The following CTNNA2 variants were observed in gnomAD, a reference collection of about 807,000 sequenced individuals.
The protein encoded by CTNNA2 is catenin alpha-2.
Under a neutral mutation model 101.0 loss-of-function variants are expected in CTNNA2, and 42 were observed. That is an observed-to-expected ratio of 0.42 (90% confidence interval 0.32 to 0.54). CTNNA2 has a LOEUF of 0.54. CTNNA2 is among the 20% of genes least tolerant of loss of function. The pLI, the probability that CTNNA2 is intolerant of heterozygous loss-of-function variation, is 0.14. For missense variants in CTNNA2, 871 were observed against 1,223.1 expected (o/e 0.71, Z 4.29); for synonymous variants, 450 against 456.4 (o/e 0.99, Z 0.18).
chr2:80,503,255 G>A (rs983471644), intron 9 of CTNNA2, among the ~76,000 whole-genome samples: 1 of 152,112 alleles, frequency 6.6e-6, no homozygotes, highest in African/African-American at 2.4e-5. Context: ...TCAATCATAG[G>A]ATATTATTGC....
In CTNNA2 at chr2:79,209,021, G is replaced by T. The variant is rs1052048578; in HGVS notation, c.-406+10945G>T. 3.3e-5 allele frequency among the ~76,000 whole-genome samples: 5 copies of T among 152,066 alleles called. No individual in the cohort carries two copies. In the East Asian group the frequency reaches 9.7e-4, roughly 29 times the overall value. On this transcript the variant is annotated intron_variant, in intron 2 of 21. Transcript: ENST00000466387. ...AATGTAGGTAGTGAATAACCTTAAAGGATATTCATGTAGGTTGGGCATGGT... is the reference window on the plus strand; with the variant it reads ...AATGTAGGTAGTGAATAACCTTAAATGATATTCATGTAGGTTGGGCATGGT...
chr2:80,601,448 T>G (rs993614939), intron 15 of CTNNA2, among the ~76,000 whole-genome samples: 1 of 144,660 alleles, frequency 6.9e-6, no homozygotes, highest in African/African-American at 2.5e-5. Context: ...ATGAGTTCTA[T>G]CTGACAACTT....
intron 7 of CTNNA2, among the ~76,000 whole-genome samples, chr2:80,277,460 C>T (rs1223200581): frequency 6.9e-6 from 1 of 145,860 alleles, no homozygotes; most frequent in Non-Finnish European, 1.5e-5. Context: ...TGAATCCCAC[C>T]ATGAATTGAG....
chr2:79,523,179 A>G (rs1192997534), intron 1 of CTNNA2: 1 of 374,040 alleles, frequency 2.7e-6, no homozygotes, highest in African/African-American at 2.1e-5. Context: ...TTTGGAATTT[A>G]AGTATTCAAT....
intron 7 of CTNNA2, among the ~76,000 whole-genome samples, chr2:80,198,932 C>T (rs368169876): frequency 6.6e-6 from 1 of 152,068 alleles, no homozygotes; most frequent in East Asian, 1.9e-4. Context: ...CCTATAATCC[C>T]AGCACATTTG....
intron 1 of CTNNA2, among the ~76,000 whole-genome samples, chr2:79,194,957 G>C (rs1018632650): frequency 8.6e-5 from 13 of 151,950 alleles, no homozygotes; most frequent in African/African-American, 2.9e-4. Flanking sequence ...AGCTCTCTTT[G>C]TTCTTTTGGA....
intron 7 of CTNNA2, among the ~76,000 whole-genome samples, chr2:80,180,446 T>G (rs1219155387): frequency 6.6e-6 from 1 of 152,172 alleles, no homozygotes; most frequent in East Asian, 1.9e-4. Context: ...TCTACATGAG[T>G]CAGACTATTC....
chr2:80,538,177 G>C (rs1691216789), intron 9 of CTNNA2, among the ~76,000 whole-genome samples: 1 of 151,812 alleles, frequency 6.6e-6, no homozygotes, highest in African/African-American at 2.4e-5. Flanking sequence ...TAGGTTGCCT[G>C]TTCACTCTGA....
At chr2:80,297,029 G>A (rs1025037460) in intron 7 of CTNNA2, among the ~76,000 whole-genome samples, 7 of 152,038 alleles carry the variant, frequency 4.6e-5, no homozygotes, top group East Asian at 1.9e-4. Flanking sequence ...TTAAGGGGTC[G>A]GACTGAATGT....
At chr2:80,373,691 T>G (rs1675660230) in intron 7 of CTNNA2, among the ~76,000 whole-genome samples, 1 of 152,214 alleles carries the variant, frequency 6.6e-6, no homozygotes, top group Non-Finnish European at 1.5e-5. Context: ...ATAAGAGATG[T>G]AAGACTCTAG....
chr2:79,389,163 G>T (rs1399229089), intron 4 of CTNNA2, among the ~76,000 whole-genome samples: 1 of 152,118 alleles, frequency 6.6e-6, no homozygotes, highest in East Asian at 1.9e-4. Flanking sequence ...TATGTGCTTT[G>T]TTTTTTAAAA....
chr2:79,826,815 T>C (rs1169419424), intron 3 of CTNNA2, among the ~76,000 whole-genome samples: 1 of 152,112 alleles, frequency 6.6e-6, no homozygotes, highest in Non-Finnish European at 1.5e-5. Context: ...AGTGGCTTAT[T>C]GGGACAACTT....
intron 7 of CTNNA2, among the ~76,000 whole-genome samples, chr2:80,078,074 A>G (rs574099749): frequency 1.3e-5 from 2 of 152,206 alleles, no homozygotes; most frequent in Non-Finnish European, 2.9e-5. Context: ...ATGTGAATCT[A>G]TCCGGTGTTT....
Position 79,689,308 on chromosome 2 carries a change from T to C in CTNNA2, c.102+37650T>C, listed in dbSNP as rs181310941. Among the ~76,000 whole-genome samples, 3 of 151,986 alleles carry C rather than the reference T, an allele frequency of 2.0e-5. No homozygotes were observed. In the East Asian group the frequency reaches 5.8e-4, roughly 30 times the overall value. ...CACTCAGGATCAAGGGAAATAGACA[T>C]GGTTAAAGGCAGATTATCGTTGGAA... is the stretch of plus-strand genomic sequence containing the variant. On this transcript the variant is annotated intron_variant, in intron 2 of 18. Coordinates refer to ENST00000402739, the MANE Select transcript of CTNNA2 (RefSeq NM_001282597.3).
intron 7 of CTNNA2, among the ~76,000 whole-genome samples, chr2:80,179,609 G>A (rs1237308783): frequency 3.9e-5 from 6 of 152,108 alleles, no homozygotes; most frequent in African/African-American, 7.2e-5. Flanking sequence ...TCCTGACCTC[G>A]TGATCCGCCC....
chr2:80,358,947 A>T (rs542312693), intron 7 of CTNNA2, among the ~76,000 whole-genome samples: 40 of 151,812 alleles, frequency 2.6e-4, no homozygotes, highest in Non-Finnish European at 5.4e-4. Flanking sequence ...TCCTTTTTGC[A>T]TTGGGGTTTC....
intron 9 of CTNNA2, among the ~76,000 whole-genome samples, chr2:80,512,408 T>C (rs576816831): frequency 4.6e-5 from 7 of 152,086 alleles, no homozygotes; most frequent in Non-Finnish European, 8.8e-5. Context: ...AATAATTCCA[T>C]GGCTGAGACT....
chr2:79,823,120 C>T (rs1224197361), intron 3 of CTNNA2, among the ~76,000 whole-genome samples: 1 of 152,200 alleles, frequency 6.6e-6, no homozygotes, highest in Non-Finnish European at 1.5e-5. Context: ...AGAGCGACGA[C>T]TTTTGTCTCT....
chr2:80,369,274 T>C (rs1007642073), intron 7 of CTNNA2, among the ~76,000 whole-genome samples: 1 of 152,102 alleles, frequency 6.6e-6, no homozygotes, highest in Non-Finnish European at 1.5e-5. Context: ...CATTTTCATA[T>C]ATCTAAACGT....
Sources: gnomAD v4.1 joint callset for allele counts (sites outside exome capture counted in the v4.1 genomes callset) on GRCh38, gnomAD v4.1.1 for gene constraint, MANE v1.5 for transcripts, NCBI Gene and HGNC (gene_info 2026-07-23, HGNC 2026-07-21) for gene names.